The following SLIT3 variants were observed in gnomAD, a reference collection of about 807,000 sequenced individuals.
SLIT3 encodes slit homolog 3 protein.
SLIT3 carries 68 observed loss-of-function variants against 184.0 expected under a neutral mutation model. That is an observed-to-expected ratio of 0.37 (90% CI 0.30 to 0.45). SLIT3 has a LOEUF of 0.45. Among genes scored for constraint, SLIT3 ranks in the 20% least tolerant of loss-of-function variants. The pLI is 1.00. For missense variants in SLIT3, 1,707 were observed against 2,026.0 expected (o/e 0.84, Z 3.02); for synonymous variants, 831 against 828.6 (o/e 1.00, Z -0.05).
chr5:168,947,328 T>C lies in SLIT3; in HGVS notation c.414-63992A>G, dbSNP rs538209990. On this transcript the variant is annotated intron_variant, in intron 4 of 35. Transcript: ENST00000519560. ...TTCCCTGGCCTGTGGGTGTCATCTCTGCAGACTGCACTCTGGGATGTTCCC... is the reference window on the plus strand; with the variant it reads ...TTCCCTGGCCTGTGGGTGTCATCTCCGCAGACTGCACTCTGGGATGTTCCC... Among the ~76,000 whole-genome samples the C allele has an allele frequency of 9.2e-5, 14 of 152,276 alleles. No homozygotes were observed. The East Asian group carries it at 2.7e-3, about 29-fold the overall frequency.
At chr5:168,964,579 G>A (rs371466005) in intron 4 of SLIT3, among the ~76,000 whole-genome samples, 4 of 152,330 alleles carry the variant, frequency 2.6e-5, no homozygotes, top group South Asian at 2.1e-4. Context: ...AACTTACTGC[G>A]TATAAATAAA....
rs181296303 is a variant in SLIT3, at chr5:169,010,960, C to A, written c.414-127624G>T. ...TTTTAGAGTGCTTTACAGTATGAAG[C>A]CCCTTCACATGGACTATGTCATCTG... On this transcript the variant is annotated intron_variant, in intron 4 of 35. Transcript: ENST00000519560. Among the ~76,000 whole-genome samples the A allele has an allele frequency of 4.6e-5, 7 of 151,802 alleles. No individual in the cohort carries two copies. In the East Asian group the frequency reaches 1.4e-3, roughly 29 times the overall value.
At chr5:169,234,726 G>C (rs771983383) in intron 3 of SLIT3, among the ~76,000 whole-genome samples, 5 of 152,108 alleles carry the variant, frequency 3.3e-5, no homozygotes, top group Admixed American at 1.3e-4. Flanking sequence ...GTTCTTTGTA[G>C]ACTCCTTAGA....
intron 35 of SLIT3, 84 bp downstream of exon 35, chr5:168,669,699 G>GC: frequency 1.8e-6 from 2 of 1,127,972 alleles, no homozygotes; most frequent in Admixed American, 1.9e-5. Context: ...AAGTGGCACA[G>GC]CCAGAACTGG....
At chr5:169,298,418 G>A (rs536237124) in intron 1 of SLIT3, among the ~76,000 whole-genome samples, 6 of 152,030 alleles carry the variant, frequency 3.9e-5, no homozygotes, top group East Asian at 1.9e-4. Flanking sequence ...GCATGGGTGC[G>A]GTTCCTGCAG....
chr5:169,187,260 G>A (rs1169416858), intron 4 of SLIT3, among the ~76,000 whole-genome samples: 1 of 151,716 alleles, frequency 6.6e-6, no homozygotes, highest in Non-Finnish European at 1.5e-5. Context: ...CTACATGCAC[G>A]CACCACCACA....
In SLIT3 at chr5:168,956,326, A is replaced by G. The variant is rs1762825969; in HGVS notation, c.414-72990T>C. On this transcript the variant is annotated intron_variant, in intron 4 of 35. Transcript: ENST00000519560. ...AATCGGAGTACTAGAAAGTTAAGGTAAAGATGTTCTCCGTATGTGAGAAAA... is the reference window on the plus strand; with the variant it reads ...AATCGGAGTACTAGAAAGTTAAGGTGAAGATGTTCTCCGTATGTGAGAAAA... Among the ~76,000 whole-genome samples the G allele has an allele frequency of 2.0e-5, 3 of 152,234 alleles. No homozygotes were observed. In the South Asian group the frequency reaches 6.2e-4, roughly 31 times the overall value.
intron 5 of SLIT3, among the ~76,000 whole-genome samples, chr5:168,848,776 T>C (rs1388051840): frequency 1.3e-5 from 2 of 152,078 alleles, no homozygotes; most frequent in African/African-American, 4.8e-5. Context: ...AGTGAGGACT[T>C]AAAATAATCT....
chr5:169,207,911 C>T (rs1764127608), intron 3 of SLIT3, among the ~76,000 whole-genome samples: 1 of 152,210 alleles, frequency 6.6e-6, no homozygotes, highest in African/African-American at 2.4e-5. Context: ...CCTCACCAGA[C>T]ACCAAGTATA....
intron 4 of SLIT3, among the ~76,000 whole-genome samples, chr5:169,127,179 T>A (rs1761113401): frequency 6.6e-6 from 1 of 152,162 alleles, no homozygotes; most frequent in South Asian, 2.1e-4. Flanking sequence ...TATATGAGGC[T>A]AAGAGTACCA....
chr5:169,200,492 G>C, intron 3 of SLIT3, among the ~76,000 whole-genome samples: 1 of 152,214 alleles, frequency 6.6e-6, no homozygotes, highest in Non-Finnish European at 1.5e-5. Context: ...AATGGAGAGA[G>C]GGAGAGGGAC....
intron 4 of SLIT3, among the ~76,000 whole-genome samples, chr5:169,034,313 C>A (rs1428836896): frequency 6.6e-6 from 1 of 151,974 alleles, no homozygotes; most frequent in East Asian, 1.9e-4. Flanking sequence ...CCAAAAAAAA[C>A]CTGTCAAGGC....
At chr5:169,120,119 C>G (rs2113285266) in intron 4 of SLIT3, 1 of 152,276 alleles carries the variant, frequency 6.6e-6, no homozygotes, top group Admixed American at 6.5e-5. Context: ...AGAGTGCTAC[C>G]TTTTGTCCCA....
intron 4 of SLIT3, among the ~76,000 whole-genome samples, chr5:168,985,992 T>A (rs999947667): frequency 6.6e-5 from 10 of 152,140 alleles, no homozygotes; most frequent in African/African-American, 2.4e-4. Context: ...CCTAAAACCT[T>A]GTGACTGAAA....
chr5:168,775,533 C>T (rs981323239), intron 12 of SLIT3, among the ~76,000 whole-genome samples: 29 of 151,930 alleles, frequency 1.9e-4, no homozygotes, highest in South Asian at 8.3e-4. Context: ...CTCACACCCC[C>T]GTTTATTTCC....
chr5:168,746,332 T>TGTGGTGGTGTGG (rs879526890), intron 20 of SLIT3, among the ~76,000 whole-genome samples: 1 of 90,052 alleles, frequency 1.1e-5, no homozygotes, highest in African/African-American at 5.1e-5. Context: ...ATGTGGTGTG[T>TGTGGTGGTGTGG]GAGTGTGGTG....
intron 14 of SLIT3, among the ~76,000 whole-genome samples, chr5:168,765,099 A>G (rs930569594): frequency 1.3e-5 from 2 of 152,198 alleles, no homozygotes; most frequent in Non-Finnish European, 2.9e-5. Context: ...CTGACTGCTG[A>G]TCAAAGGCAG....
At chr5:168,964,791 G>A (rs182405587) in intron 4 of SLIT3, among the ~76,000 whole-genome samples, 96 of 152,322 alleles carry the variant, frequency 6.3e-4, no homozygotes, top group African/African-American at 2.3e-3. Flanking sequence ...GATAAGCAAA[G>A]GGACCCCTTT....
In SLIT3 at chr5:169,067,412, A is replaced by C. The variant is rs183649062; in HGVS notation, c.413+126067T>G. Among the ~76,000 whole-genome samples, 6 of 152,234 alleles carry C rather than the reference A, an allele frequency of 3.9e-5. No homozygotes were observed. In the East Asian group the frequency reaches 1.2e-3, roughly 29 times the overall value. Reference sequence around the variant, plus strand: ...CTCAGCGAGACTCCACCTCAAAAAAAAATAAAACAACAACAAAAAAGAATG... The same window carrying C: ...CTCAGCGAGACTCCACCTCAAAAAACAATAAAACAACAACAAAAAAGAATG... On this transcript the variant is annotated intron_variant, in intron 4 of 35. Transcript: ENST00000519560.
Sources: allele counts gnomAD v4.1 joint callset (sites outside exome capture counted in the v4.1 genomes callset), GRCh38; gene constraint gnomAD v4.1.1; transcripts MANE v1.5; gene names NCBI Gene and HGNC (gene_info 2026-07-23, HGNC 2026-07-21).